The following AFF2 variants were observed in gnomAD, a reference collection of about 807,000 sequenced individuals.
The protein encoded by AFF2 is ALF transcription elongation factor 2.
AFF2 carries 14 observed loss-of-function variants against 76.9 expected under a neutral mutation model. The ratio of observed to expected loss-of-function variants is 0.18; its 90% CI spans 0.12 to 0.28. The LOEUF (loss-of-function observed/expected upper bound fraction) is 0.28, where lower values mean the gene tolerates loss of function less well. Ranked by LOEUF, AFF2 falls within the 10% of genes least tolerant of loss-of-function variation. AFF2 has a pLI of 1.00. For synonymous variants in AFF2, 398 were observed against 366.7 expected (o/e 1.09, Z -0.98); for missense variants, 868 against 1,001.1 (o/e 0.87, Z 1.79).
At chrX:148,732,341 C>T (rs1202683412) in intron 3 of AFF2, among the ~76,000 whole-genome samples, 24 of 96,156 alleles carry the variant, frequency 2.5e-4, no homozygotes, top group African/African-American at 8.2e-4. Flanking sequence ...AACCAAACAC[C>T]GCATATTCTC....
At position 148,929,847 on chromosome X, in the gene AFF2, C is replaced by T. The variant is rs147170989; in HGVS notation, c.1398-23733C>T. On this transcript the variant is annotated intron_variant, in intron 9 of 20. Transcript: ENST00000370460. ...GAAAGATCCTACAAAATGAGTCACA[C>T]TCTAGTACATGGAAGTCGGTGGGCA... 8.1e-4 allele frequency among the ~76,000 whole-genome samples: 91 copies of T among 112,083 alleles called. 2 individuals carry two copies. The East Asian group carries it at 0.024, about 30-fold the overall frequency.
At chrX:148,813,409 C>A (rs781954145) in intron 4 of AFF2, among the ~76,000 whole-genome samples, 1 of 111,960 alleles carries the variant, frequency 8.9e-6, no homozygotes, top group African/African-American at 3.2e-5. Context: ...ATTAATTCTT[C>A]TTTTTTGTCA....
At chrX:148,581,061 A>ATG in intron 1 of AFF2, among the ~76,000 whole-genome samples, 1 of 102,703 alleles carries the variant, frequency 9.7e-6, no homozygotes, top group Non-Finnish European at 2.0e-5. Flanking sequence ...ATATGTGTAT[A>ATG]TGTATATATA....
chrX:148,524,097 TTCTCTCTCTC>T (rs374800530), intron 1 of AFF2, among the ~76,000 whole-genome samples: 38 of 78,240 alleles, frequency 4.9e-4, no homozygotes, highest in Non-Finnish European at 7.5e-4. Context: ...CTCTCTCTCT[TTCTCTCTCTC>T]TCTCTCTCTC....
intron 3 of AFF2, among the ~76,000 whole-genome samples, chrX:148,755,100 T>A (rs1372435344): frequency 9.0e-6 from 1 of 111,572 alleles, no homozygotes; most frequent in Admixed American, 9.5e-5. Context: ...ATTTGAAACT[T>A]CCTGATTGCT....
chrX:148,750,464 C>G (rs1257149418), intron 3 of AFF2, among the ~76,000 whole-genome samples: 2 of 111,444 alleles, frequency 1.8e-5, no homozygotes, highest in Non-Finnish European at 3.8e-5. Context: ...CCTTCCATCC[C>G]TCAGCATGAG....
Position 148,621,667 on chromosome X carries a change from T to C in AFF2, c.48-30332T>C, listed in dbSNP as rs904236699. 3.6e-5 allele frequency among the ~76,000 whole-genome samples: 4 copies of C among 112,049 alleles called. No homozygotes were observed. The East Asian group carries it at 1.1e-3, about 32-fold the overall frequency. On this transcript the variant is annotated intron_variant, in intron 1 of 20. Transcript: ENST00000370460. The stretch of plus-strand genomic sequence containing the variant: ...CAAGAACATTGTGTTTCAGGCACTC[T>C]ATTGAAGAGCCCATTAGCTGTGGAT...
intron 1 of AFF2, among the ~76,000 whole-genome samples, chrX:148,617,605 T>A (rs1260804342): frequency 8.9e-6 from 1 of 112,483 alleles, no homozygotes; most frequent in African/African-American, 3.2e-5. Context: ...TGGCTTTTGT[T>A]GCCATTGCTT....
At chrX:148,708,677 G>A (rs1410647277) in intron 3 of AFF2, among the ~76,000 whole-genome samples, 4 of 111,969 alleles carry the variant, frequency 3.6e-5, no homozygotes, top group African/African-American at 6.5e-5. Flanking sequence ...TCGCGCCACC[G>A]CACTCCAGCC....
chrX:148,808,956 C>T (rs1345140898), intron 3 of AFF2, among the ~76,000 whole-genome samples: 1 of 111,322 alleles, frequency 9.0e-6, no homozygotes, highest in Non-Finnish European at 1.9e-5. Flanking sequence ...CGGCAGTGCT[C>T]TCTTAACAGG....
chrX:148,694,908 C>T (rs1198002403), intron 3 of AFF2, among the ~76,000 whole-genome samples: 3 of 104,995 alleles, frequency 2.9e-5, no homozygotes, highest in Admixed American at 2.1e-4. Context: ...CTCCGTCTCC[C>T]GGGTTCAAGC....
chrX:148,778,706 C>G (rs1035632899), intron 3 of AFF2, among the ~76,000 whole-genome samples: 1 of 111,163 alleles, frequency 9.0e-6, no homozygotes, highest in Admixed American at 9.5e-5. Context: ...TCCCCTTTAT[C>G]GTTTTTTATT....
intron 8 of AFF2, among the ~76,000 whole-genome samples, chrX:148,899,790 T>C (rs1557280691): frequency 9.0e-6 from 1 of 111,242 alleles, no homozygotes; most frequent in Non-Finnish European, 1.9e-5. Context: ...ACTGCCACAA[T>C]ATCTCTAGGC....
At chrX:148,531,021 C>G (rs2124243019) in intron 1 of AFF2, among the ~76,000 whole-genome samples, 1 of 111,527 alleles carries the variant, frequency 9.0e-6, no homozygotes, top group African/African-American at 3.3e-5. Flanking sequence ...GGAAAAATGG[C>G]CAGTGAATTG....
chrX:148,819,268 G>C lies in AFF2; in HGVS notation c.1086+9348G>C, dbSNP rs147215782. Among the ~76,000 whole-genome samples the C allele has an allele frequency of 4.0e-3, 447 of 111,019 alleles. 1 individual carries two copies. The highest frequency in any genetic ancestry group is 0.011 in the African/African-American group (340 of 30,634). On this transcript the variant is annotated intron_variant, in intron 4 of 20. Transcript: ENST00000370460. ...AATAATTATATACAGATTTTTGCATGAACACATGTTTTCATTTATCTTTGG... is the reference window on the plus strand; with the variant it reads ...AATAATTATATACAGATTTTTGCATCAACACATGTTTTCATTTATCTTTGG...
chrX:148,563,663 C>G (rs1211716792), intron 1 of AFF2, among the ~76,000 whole-genome samples: 1 of 112,180 alleles, frequency 8.9e-6, no homozygotes, highest in Non-Finnish European at 1.9e-5. Flanking sequence ...AAGGACTAAT[C>G]TTTGCCAAGT....
At chrX:148,609,272 T>A (rs1557249197) in intron 1 of AFF2, among the ~76,000 whole-genome samples, 1 of 112,137 alleles carries the variant, frequency 8.9e-6, no homozygotes, top group East Asian at 2.8e-4. Flanking sequence ...GTGCAATGTA[T>A]AATTTTCTAA....
intron 3 of AFF2, among the ~76,000 whole-genome samples, chrX:148,764,450 A>T (rs2069487661): frequency 8.9e-6 from 1 of 112,452 alleles, no homozygotes; most frequent in Non-Finnish European, 1.9e-5. Flanking sequence ...TAATTGAACT[A>T]TGGACATGCA....
chrX:148,538,825 G>C (rs2052819796), intron 1 of AFF2, among the ~76,000 whole-genome samples: 1 of 111,968 alleles, frequency 8.9e-6, no homozygotes, highest in South Asian at 3.7e-4. Flanking sequence ...GTAAATGACA[G>C]ATTCCAGATC....
Sources: gnomAD v4.1 joint callset for allele counts (sites outside exome capture counted in the v4.1 genomes callset) on GRCh38, gnomAD v4.1.1 for gene constraint, MANE v1.5 for transcripts, NCBI Gene and HGNC (gene_info 2026-07-23, HGNC 2026-07-21) for gene names.